The following AHI1 variants were observed in gnomAD, a reference collection of about 807,000 sequenced individuals.
AHI1 encodes jouberin.
A neutral mutation model predicts 149.3 loss-of-function variants in AHI1; 123 were observed. The ratio of observed to expected loss-of-function variants is 0.82; its 90% confidence interval spans 0.71 to 0.96. The LOEUF is 0.96. AHI1 is among the 40% of genes least tolerant of loss of function. The pLI is 0.00. For missense variants in AHI1, 1,439 were observed against 1,422.7 expected, an observed-to-expected ratio of 1.01 and a Z score of -0.18; for synonymous variants, 475 against 459.8, an observed-to-expected ratio of 1.03 and a Z score of -0.42.
chr6:135,438,613 C>T, intron 14 of AHI1, 115 bp from the exon 15 acceptor site: 1 of 802,388 alleles, frequency 1.2e-6, no homozygotes, highest in Non-Finnish European at 1.7e-6. Flanking sequence ...AAATTATAAC[C>T]AAAGACATTT....
At chr6:135,388,201 C>T (rs543736818) in intron 23 of AHI1, among the ~76,000 whole-genome samples, 1 of 152,128 alleles carries the variant, frequency 6.6e-6, no homozygotes, top group African/African-American at 2.4e-5. Context: ...ATTGTACCAC[C>T]TGAAACACTG....
chr6:135,291,790 T>C (rs1202580409), intron 27 of AHI1, among the ~76,000 whole-genome samples: 4 of 152,154 alleles, frequency 2.6e-5, no homozygotes, highest in Non-Finnish European at 5.9e-5. Flanking sequence ...GGTTAAGCTC[T>C]GAAAAAAAGC....
intron 21 of AHI1, among the ~76,000 whole-genome samples, chr6:135,405,859 C>CAAAAAAAAAAAAAAAAA (rs543403253): frequency 1.4e-4 from 4 of 29,152 alleles, no homozygotes; most frequent in African/African-American, 3.7e-4. Flanking sequence ...GACTCCAACT[C>CAAAAAAAAAAAAAAAAA]AAAAAAAAAA....
chr6:135,287,561 A>G (rs1781838293), intron 28 of AHI1, among the ~76,000 whole-genome samples: 1 of 152,228 alleles, frequency 6.6e-6, no homozygotes, highest in African/African-American at 2.4e-5. Flanking sequence ...ATGTGCTGAA[A>G]GAGGGAGGAG....
chr6:135,433,651 T>C (rs576795031), intron 15 of AHI1, among the ~76,000 whole-genome samples: 2 of 152,252 alleles, frequency 1.3e-5, no homozygotes, highest in Non-Finnish European at 2.9e-5. Flanking sequence ...AGGTTGTGTA[T>C]ACCACTTTTA....
At chr6:135,336,317 C>T (rs111256853) in intron 24 of AHI1, among the ~76,000 whole-genome samples, 2,003 of 151,904 alleles carry the variant, frequency 0.013, 45 homozygotes, top group African/African-American at 0.046. Flanking sequence ...GTAGCCTGGG[C>T]TGGGGGTGGT....
rs747639578 is a variant in AHI1, at chr6:135,429,977, C to T, written c.2397G>A (p.Lys799=). 3.8e-6 allele frequency: 6 copies of T among 1,570,174 alleles called. No individual in the cohort carries two copies. The highest frequency in any genetic ancestry group is 3.6e-5 in the South Asian group (3 of 83,370). ...INKEIKETEF[K]GIPISYLEIH... ...TCTCCAAATAACTTATTGGAATTCCCTTAAACTCAGTTTCTTTAATTTCCT... is the reference window on the plus strand; with the variant it reads ...TCTCCAAATAACTTATTGGAATTCCTTTAAACTCAGTTTCTTTAATTTCCT... Residue 799 remains lysine (K), a synonymous_variant, in exon 18 of 29, where the codon AAG becomes AAA. Coordinates refer to ENST00000265602, the MANE Select transcript of AHI1 (RefSeq NM_001134831.2).
At chr6:135,350,108 C>T (rs903093957) in intron 24 of AHI1, among the ~76,000 whole-genome samples, 30 of 152,138 alleles carry the variant, frequency 2.0e-4, no homozygotes, top group Non-Finnish European at 1.0e-4. Flanking sequence ...TGGCAAAATG[C>T]TTTCTTTTCT....
chr6:135,459,272 A>G (rs1789478644), intron 8 of AHI1, among the ~76,000 whole-genome samples: 2 of 152,220 alleles, frequency 1.3e-5, no homozygotes, highest in South Asian at 4.1e-4. Context: ...ATACTTCTAA[A>G]TAATGATCAA....
intron 25 of AHI1, among the ~76,000 whole-genome samples, chr6:135,321,487 G>C (rs1297806255): frequency 6.6e-6 from 1 of 152,056 alleles, no homozygotes; most frequent in Non-Finnish European, 1.5e-5. Context: ...ACTGGGGAGG[G>C]GAGCAATGGG....
intron 24 of AHI1, among the ~76,000 whole-genome samples, chr6:135,350,773 G>A (rs189695513): frequency 1.3e-5 from 2 of 152,282 alleles, no homozygotes; most frequent in Non-Finnish European, 2.9e-5. Flanking sequence ...GGGTGAGTGG[G>A]AGAAAGGTTG....
intron 23 of AHI1, among the ~76,000 whole-genome samples, chr6:135,359,139 A>C (rs1793454377): frequency 6.6e-6 from 1 of 152,204 alleles, no homozygotes; most frequent in Non-Finnish European, 1.5e-5. Flanking sequence ...AGATCAACAC[A>C]AACAATCACT....
chr6:135,481,146 G>A (rs942050931), intron 5 of AHI1, among the ~76,000 whole-genome samples: 3 of 152,192 alleles, frequency 2.0e-5, no homozygotes, highest in African/African-American at 4.8e-5. Flanking sequence ...GCTCTGCACT[G>A]CCTTGGGACT....
intron 23 of AHI1, among the ~76,000 whole-genome samples, chr6:135,371,245 G>T (rs1481542857): frequency 6.6e-6 from 1 of 152,068 alleles, no homozygotes; most frequent in Non-Finnish European, 1.5e-5. Context: ...ATTGTCATTT[G>T]GTTACAGTAC....
At chr6:135,410,734 C>T (rs1214260340) in intron 21 of AHI1, among the ~76,000 whole-genome samples, 2 of 152,318 alleles carry the variant, frequency 1.3e-5, no homozygotes, top group African/African-American at 2.4e-5. Flanking sequence ...GGACTCTCAT[C>T]TCTTCATTAA....
chr6:135,400,348 G>A (rs928517528), intron 22 of AHI1, among the ~76,000 whole-genome samples: 4 of 151,768 alleles, frequency 2.6e-5, no homozygotes, highest in Non-Finnish European at 4.4e-5. Context: ...AGGTGGATTC[G>A]ACTACAATAT....
intron 27 of AHI1, among the ~76,000 whole-genome samples, chr6:135,294,698 C>CAAAA (rs56734547): frequency 1.9e-3 from 132 of 67,974 alleles, no homozygotes; most frequent in African/African-American, 4.6e-3. Context: ...TCTCCAAATG[C>CAAAA]AAAAAAAAAA....
intron 25 of AHI1, among the ~76,000 whole-genome samples, chr6:135,320,172 C>T (rs117296713): frequency 1.5e-3 from 230 of 152,052 alleles, no homozygotes; most frequent in Non-Finnish European, 2.2e-3. Flanking sequence ...AGGGAAATAA[C>T]CCCTAATGAA....
intron 23 of AHI1, among the ~76,000 whole-genome samples, chr6:135,371,628 C>T (rs1425142163): frequency 1.3e-5 from 2 of 152,182 alleles, no homozygotes; most frequent in African/African-American, 2.4e-5. Context: ...TCATGATAAT[C>T]TTTTCAACTA....
Sources: gnomAD v4.1 joint callset for allele counts (sites outside exome capture counted in the v4.1 genomes callset) on GRCh38, gnomAD v4.1.1 for gene constraint, MANE v1.5 for transcripts, NCBI Gene and HGNC (gene_info 2026-07-23, HGNC 2026-07-21) for gene names.